The following EME1 variants were observed in gnomAD, a reference collection of about 807,000 sequenced individuals.
EME1 encodes structure-specific endonuclease subunit EME1.
A neutral mutation model predicts 59.1 loss-of-function variants in EME1; 61 were observed. The observed-to-expected ratio is 1.03, with a 90% CI of 0.84 to 1.28. The LOEUF is 1.28. EME1 is among the 50% of genes most tolerant of loss of function. The probability of loss-of-function intolerance (pLI) is 0.00; values close to 1 mark genes in which losing one functional copy is unlikely to be tolerated. For missense variants in EME1, 635 were observed against 682.6 expected, an observed-to-expected ratio of 0.93 and a Z score of 0.78; for synonymous variants, 230 against 254.2, an observed-to-expected ratio of 0.90 and a Z score of 0.90.
chr17:50,381,010 T>C lies in EME1; in HGVS notation c.*71T>C. The C allele has an allele frequency of 1.9e-6, 3 of 1,544,266 alleles. No homozygotes were observed. In the South Asian group the frequency reaches 3.4e-5, roughly 18 times the overall value. ...CCCCAACCTCAGAGCCTGACTGTAA[T>C]GAAGAGACTGGCAGCACCTCCTGGA... is the stretch of plus-strand genomic sequence containing the variant. On this transcript the variant is annotated 3_prime_UTR_variant, in exon 9 of 9. Coordinates refer to ENST00000338165, the MANE Select transcript of EME1 (RefSeq NM_152463.4).
chr17:50,376,693 GGA>G (rs1174856273), intron 3 of EME1, among the ~76,000 whole-genome samples: 2 of 152,226 alleles, frequency 1.3e-5, no homozygotes, highest in African/African-American at 4.8e-5. Flanking sequence ...ACAGAATTCA[GGA>G]GAGAGAAATG....
At chr17:50,379,339 AG>A (rs1567817209) in intron 6 of EME1, 112 bp from the exon 7 acceptor site, 1 of 1,586,670 alleles carries the variant, frequency 6.3e-7, no homozygotes, top group Non-Finnish European at 8.6e-7. Context: ...GCACTGACTA[AG>A]AGAAGGTACC....
In EME1 at chr17:50,379,155, C is replaced by G. The variant is rs1368823226; in HGVS notation, c.1161C>G (p.Thr387=). The G allele has an allele frequency of 6.2e-7, 1 of 1,614,082 alleles. No individual in the cohort carries two copies. Among genetic ancestry groups the G allele is most frequent in the South Asian group, 1.1e-5 (1 of 91,078 alleles). ...GGAAACAGGGAGCAAATAAACAGAC[C>G]AAGAAGCAGCAGCAGAGACAACCAG... ...RRGKQGANKQ[T]KKQQQRQPEA... The change falls in exon 6 of 9, where the codon ACC becomes ACG. Residue 387 remains threonine, a synonymous_variant. Coordinates refer to ENST00000338165, the MANE Select transcript of EME1 (RefSeq NM_152463.4).
chr17:50,373,940 C>A (rs1598359347), intron 1 of EME1, among the ~76,000 whole-genome samples: 1 of 152,338 alleles, frequency 6.6e-6, no homozygotes, highest in East Asian at 1.9e-4. Context: ...CAGGCTACAT[C>A]ATAGATAAAC....
At chr17:50,379,773 A>G (rs1913694063) in intron 7 of EME1, 8 of 550,348 alleles carry the variant, frequency 1.5e-5, no homozygotes, top group Admixed American at 3.1e-5. Flanking sequence ...CCTTTCGCCT[A>G]TATGTAAGTA....
chr17:50,375,820 G>A lies in EME1; in HGVS notation c.612G>A (p.Lys204=), dbSNP rs557847995. 1.2e-6 allele frequency: 2 copies of A among 1,614,154 alleles called. No homozygotes were observed. Among genetic ancestry groups the A allele is most frequent in the Admixed American group, 3.3e-5 (2 of 60,028 alleles). ...PPQKKTKPSQ[K]VQGRGSHGCR... is the part of the protein sequence containing the mutation. ...AGAAGAAAACCAAGCCGAGTCAGAA[G>A]GTCCAGGGAAGAGGCTCACACGGAT... The change falls in exon 2 of 9, where the codon AAG becomes AAA. Residue 204 remains lysine, a synonymous_variant. Coordinates refer to ENST00000338165, the MANE Select transcript of EME1 (RefSeq NM_152463.4).
At chr17:50,380,733 C>G (rs1213844260) in intron 8 of EME1, 30 bp from the exon 9 acceptor site, 1 of 1,612,552 alleles carries the variant, frequency 6.2e-7, no homozygotes, top group Non-Finnish European at 8.5e-7. Context: ...ATGGATGGTA[C>G]CATATTAAGA....
chr17:50,380,467 T>C lies in EME1; in HGVS notation c.1502T>C (p.Val501Ala), dbSNP rs1383981345. 1.9e-6 allele frequency: 3 copies of C among 1,614,016 alleles called. No individual in the cohort carries two copies. Among genetic ancestry groups the C allele is most frequent in the Admixed American group, 1.7e-5 (1 of 60,008 alleles). The change falls in exon 8 of 9, where the codon GTG (valine) becomes GCG (alanine). Residue 501 changes from valine to alanine, a missense_variant. By Grantham distance (64) the Val-to-Ala change is moderately conservative (BLOSUM62 0). Coordinates refer to ENST00000338165, the MANE Select transcript of EME1 (RefSeq NM_152463.4). ...RVSLEMASAV[V>A]NAYPSPQLLV... ...AGCCTGGAAATGGCCAGTGCAGTTGTGAATGCCTATCCCTCCCCACAGCTC... is the reference window on the plus strand; with the variant it reads ...AGCCTGGAAATGGCCAGTGCAGTTGCGAATGCCTATCCCTCCCCACAGCTC...
Position 50,381,066 on chromosome 17 carries a change from T to G in EME1, c.*127T>G. On this transcript the variant is annotated 3_prime_UTR_variant, in exon 9 of 9. Coordinates refer to ENST00000338165, the MANE Select transcript of EME1 (RefSeq NM_152463.4). ...AGCCTAGGTGAGGCCCAGTCTTTCT[T>G]GGGTCTTATTATTTGTGAAGGTCTC... 9.7e-7 allele frequency: 1 copy of G among 1,034,170 alleles called. No individual in the cohort carries two copies. The allele number at this position is 1,034,170 out of a possible 1,614,324, so 64.1% of individuals were successfully genotyped here. A position where few individuals can be genotyped will look rare whatever the true frequency, so the allele number is the denominator to read the frequency against.
chr17:50,380,348 G>A lies in EME1; in HGVS notation c.1383G>A (p.Leu461=). ...ATGAAACTACCTTCTCCTTCTGTCT[G>A]GAGAGTGACTGGGCTGGAGGGGTGA... The part of the protein sequence containing the change: ...LRDETTFSFC[L]ESDWAGGVKV... The change falls in exon 8 of 9, where the codon CTG becomes CTA. Residue 461 remains leucine, a synonymous_variant. Transcript: ENST00000338165. 1 of 1,613,356 alleles carries A rather than the reference G, an allele frequency of 6.2e-7. No homozygotes were observed. Among genetic ancestry groups the A allele is most frequent in the Non-Finnish European group, 8.5e-7 (1 of 1,179,626 alleles).
At position 50,375,600 on chromosome 17, in the gene EME1, C is replaced by T. The variant is rs775266280; in HGVS notation, c.392C>T (p.Ala131Val). ...TTGGATCATCAAAATAATGAAGGTG[C>T]ATCATGTGACTGGAAAAAGCCCTTT... ...SVLDHQNNEG[A>V]SCDWKKPFPK... The change falls in exon 2 of 9, where the codon GCA (alanine) becomes GTA (valine). Residue 131 changes from alanine (A) to valine (V), a missense_variant. Coordinates refer to ENST00000338165, the MANE Select transcript of EME1 (RefSeq NM_152463.4). 2 of 1,587,596 alleles carry T rather than the reference C, an allele frequency of 1.3e-6. No homozygotes were observed. Among genetic ancestry groups the T allele is most frequent in the East Asian group, 4.5e-5 (2 of 44,820 alleles).
Position 50,376,184 on chromosome 17 carries a change from G to C in EME1, c.894G>C (p.Gly298=). ...PCSVTWRRRA[G]PSEDREDWVE... is the part of the protein sequence containing the mutation. ...GTGTCACTTGGAGGAGAAGGGCTGG[G>C]CCGTCTGAGGTAGGAGTTTTCTGGC... is the stretch of plus-strand genomic sequence containing the variant. Residue 298 remains glycine, a synonymous_variant, in exon 3 of 9, where the codon GGG becomes GGC. Transcript: ENST00000338165. 1 of 1,613,054 alleles carries C rather than the reference G, an allele frequency of 6.2e-7. No homozygotes were observed. The highest frequency in any genetic ancestry group is 8.5e-7 in the Non-Finnish European group (1 of 1,179,814).
At chr17:50,378,566 C>CGGAG in intron 3 of EME1, 29 bp from the exon 4 acceptor site, 1 of 1,611,640 alleles carries the variant, frequency 6.2e-7, no homozygotes, top group Non-Finnish European at 8.5e-7. Flanking sequence ...GACCTCCCTC[C>CGGAG]CTGTGCTGTG....
rs1308895958 is a variant in EME1, at chr17:50,378,858, C to T, written c.1075C>T (p.Leu359=). Reference sequence around the variant, plus strand: ...CACAGCAAAGACAGCAGGGAAAGCTCTGTCACTGGTGATTGTGGATCAGGA... The same window carrying T: ...CACAGCAAAGACAGCAGGGAAAGCTTTGTCACTGGTGATTGTGGATCAGGA... ...DITAKTAGKA[L]SLVIVDQEKC... is the part of the protein sequence containing the mutation. The change falls in exon 5 of 9, where the codon CTG becomes TTG. Residue 359 remains leucine (L), a synonymous_variant. Coordinates refer to ENST00000338165, the MANE Select transcript of EME1 (RefSeq NM_152463.4). 1 of 1,614,228 alleles carries T rather than the reference C, an allele frequency of 6.2e-7. No individual in the cohort carries two copies.
chr17:50,373,309 G>C, intron 1 of EME1, 32 bp downstream of exon 1: 1 of 1,189,272 alleles, frequency 8.4e-7, no homozygotes, highest in East Asian at 2.5e-5. Flanking sequence ...CCTGCGGATT[G>C]GGCAGGGCTT....
Position 50,376,055 on chromosome 17 carries a change from A to G in EME1, c.776-11A>G. Reference sequence around the variant, plus strand: ...ACCCCCCACTGACAGTCCCTTTTCCATCTGTTGCAGTGCTCTTACAGATGG... The same window carrying G: ...ACCCCCCACTGACAGTCCCTTTTCCGTCTGTTGCAGTGCTCTTACAGATGG... On this transcript the variant is annotated splice_polypyrimidine_tract_variant and intron_variant, in intron 2 of 8. Coordinates refer to ENST00000338165, the MANE Select transcript of EME1 (RefSeq NM_152463.4). 6.2e-7 allele frequency: 1 copy of G among 1,611,684 alleles called. No individual in the cohort carries two copies. The highest frequency in any genetic ancestry group is 8.5e-7 in the Non-Finnish European group (1 of 1,178,278).
chr17:50,375,328 G>GGAA lies in EME1; in HGVS notation c.123_125dup (p.Glu42dup). 6.2e-7 allele frequency: 1 copy of GGAA among 1,614,180 alleles called. No homozygotes were observed. The highest frequency in any genetic ancestry group is 1.3e-5 in the African/African-American group (1 of 75,052). Reference sequence around the variant, plus strand: ...CAACAAAGAGGAGACAGCCTGAAAGGGAAGAGAAGATTGTAGTGGTTGACA... The same window carrying GGAA: ...CAACAAAGAGGAGACAGCCTGAAAGGGAAGAAGAGAAGATTGTAGTGGTTGACA... On this transcript the variant is annotated inframe_insertion, in exon 2 of 9. Transcript: ENST00000338165.
At chr17:50,376,863 C>T (rs1276751666) in intron 3 of EME1, among the ~76,000 whole-genome samples, 1 of 152,192 alleles carries the variant, frequency 6.6e-6, no homozygotes, top group Non-Finnish European at 1.5e-5. Flanking sequence ...TGACACCCAG[C>T]TGGGAGCCAG....
chr17:50,380,821 T>C lies in EME1; in HGVS notation c.1595T>C (p.Val532Ala), dbSNP rs1307744446. The C allele has an allele frequency of 6.2e-7, 1 of 1,614,182 alleles. No individual in the cohort carries two copies. Among genetic ancestry groups the C allele is most frequent in the Admixed American group, 1.7e-5 (1 of 60,026 alleles). ...CAGAATTTGCTCGCAGACATACAGGTGCGCCGTGGGGAAGGTGTGACATCC... is the reference window on the plus strand; with the variant it reads ...CAGAATTTGCTCGCAGACATACAGGCGCGCCGTGGGGAAGGTGTGACATCC... ...ERQNLLADIQVRRGEGVTSTS... is the reference protein window; with the variant it reads ...ERQNLLADIQARRGEGVTSTS... The change falls in exon 9 of 9, where the codon GTG becomes GCG. Residue 532 changes from valine to alanine, a missense_variant. Coordinates refer to ENST00000338165, the MANE Select transcript of EME1 (RefSeq NM_152463.4).
Sources: allele counts gnomAD v4.1 joint callset (sites outside exome capture counted in the v4.1 genomes callset), GRCh38; gene constraint gnomAD v4.1.1; transcripts MANE v1.5; gene names NCBI Gene and HGNC (gene_info 2026-07-23, HGNC 2026-07-21).